Variants in GRIK2 observed in about 807,000 individuals in gnomAD.
The protein encoded by GRIK2 is glutamate receptor ionotropic, kainate 2.
In GRIK2, 32 loss-of-function variants were observed where a neutral mutation model predicts 100.3. The ratio of observed to expected loss-of-function variants is 0.32; its 90% confidence interval spans 0.24 to 0.43. The LOEUF is 0.43. Ranked by LOEUF, GRIK2 falls within the 20% of genes least tolerant of loss-of-function variation. The pLI is 1.00. For missense variants in GRIK2, 843 were observed against 1,114.9 expected (o/e 0.76, Z 3.47); for synonymous variants, 417 against 389.4 (o/e 1.07, Z -0.83).
intron 14 of GRIK2, among the ~76,000 whole-genome samples, chr6:101,989,199 C>T (rs1481703247): frequency 6.6e-6 from 1 of 151,550 alleles, no homozygotes. Context: ...TGTAATAAGG[C>T]ATTTAGTATG....
At chr6:101,528,731 T>C (rs1051854303) in intron 2 of GRIK2, among the ~76,000 whole-genome samples, 1 of 152,188 alleles carries the variant, frequency 6.6e-6, no homozygotes, top group Non-Finnish European at 1.5e-5. Flanking sequence ...AGTTAAATGG[T>C]TGACTTGAAA....
At chr6:101,526,852 T>C (rs1420444476) in intron 2 of GRIK2, among the ~76,000 whole-genome samples, 1 of 152,098 alleles carries the variant, frequency 6.6e-6, no homozygotes, top group East Asian at 1.9e-4. Context: ...GAGGCAACAC[T>C]TCTACCAGGT....
intron 11 of GRIK2, among the ~76,000 whole-genome samples, chr6:101,882,702 T>C (rs551499742): frequency 2.0e-5 from 3 of 152,246 alleles, no homozygotes; most frequent in Non-Finnish European, 4.4e-5. Context: ...TGAACTAAAT[T>C]AATATTTCTA....
chr6:101,406,826 T>C (rs1582379288), intron 2 of GRIK2, among the ~76,000 whole-genome samples: 1 of 152,210 alleles, frequency 6.6e-6, no homozygotes, highest in East Asian at 1.9e-4. Context: ...GCATAAGTGA[T>C]TATTTTAAAT....
chr6:102,057,764 T>C (rs1463331636), intron 16 of GRIK2, among the ~76,000 whole-genome samples: 1 of 151,892 alleles, frequency 6.6e-6, no homozygotes, highest in Non-Finnish European at 1.5e-5. Context: ...GCACCTTTAC[T>C]ACAGCCACAC....
chr6:101,424,726 C>G (rs1334326800), intron 2 of GRIK2, among the ~76,000 whole-genome samples: 1 of 151,560 alleles, frequency 6.6e-6, no homozygotes, highest in Non-Finnish European at 1.5e-5. Context: ...TCTCCCCCCA[C>G]CCACAACAGT....
At chr6:101,922,100 C>A (rs925294766) in intron 12 of GRIK2, among the ~76,000 whole-genome samples, 9 of 24,074 alleles carry the variant, frequency 3.7e-4, no homozygotes, top group South Asian at 1.3e-3. Context: ...TCCTTCCTTC[C>A]TTCCTTCCTT....
rs147828474 is a variant in GRIK2, at chr6:101,548,833, A to G, written c.116-73116A>G. Among the ~76,000 whole-genome samples, 566 of 152,288 alleles carry G rather than the reference A, an allele frequency of 3.7e-3. 2 individuals are homozygous for G. Among genetic ancestry groups the G allele is most frequent in the Middle Eastern group, 0.01 (3 of 292 alleles). ...ATCGTATGAAGTAGGTAGTATTACT[A>G]TCCTCAGTTATAGGTATGGATATGT... On this transcript the variant is annotated intron_variant, in intron 2 of 16. Transcript: ENST00000369134.
rs567458546 is a variant in GRIK2 at position 102,045,717 on chromosome 6, C to A, written c.2312-9613C>A. On this transcript the variant is annotated intron_variant, in intron 15 of 16. Coordinates refer to ENST00000369134, the MANE Select transcript of GRIK2 (RefSeq NM_021956.5). The stretch of plus-strand genomic sequence containing the variant: ...AATGGTCCAAAGATCTTAACAGACA[C>A]CTCATCAAAGGAAATACACACATAC... Among the ~76,000 whole-genome samples the A allele has an allele frequency of 4.6e-4, 70 of 152,010 alleles. 1 individual carries two copies. The highest frequency in any genetic ancestry group is 4.4e-4 in the Non-Finnish European group (30 of 67,974).
chr6:101,602,070 T>G (rs1779240526), intron 2 of GRIK2, among the ~76,000 whole-genome samples: 1 of 151,750 alleles, frequency 6.6e-6, no homozygotes, highest in Admixed American at 6.6e-5. Flanking sequence ...CACCATAAAC[T>G]TTAGTCTTAA....
At chr6:101,712,904 G>A (rs1451712172) in intron 7 of GRIK2, among the ~76,000 whole-genome samples, 1 of 151,732 alleles carries the variant, frequency 6.6e-6, no homozygotes, top group Non-Finnish European at 1.5e-5. Flanking sequence ...TATTTTACAT[G>A]CTTCCTCATA....
intron 7 of GRIK2, among the ~76,000 whole-genome samples, chr6:101,784,525 A>G (rs1198711684): frequency 6.6e-6 from 1 of 152,204 alleles, no homozygotes; most frequent in Non-Finnish European, 1.5e-5. Flanking sequence ...TTGAAAGGTG[A>G]AAAGTACATG....
intron 14 of GRIK2, among the ~76,000 whole-genome samples, chr6:102,006,208 G>T (rs1431065925): frequency 6.6e-6 from 1 of 151,468 alleles, no homozygotes; most frequent in East Asian, 1.9e-4. Context: ...ATAACATTGT[G>T]TAATAAAAAA....
At chr6:101,527,967 G>A (rs757420058) in intron 2 of GRIK2, among the ~76,000 whole-genome samples, 2 of 152,086 alleles carry the variant, frequency 1.3e-5, no homozygotes, top group Admixed American at 1.3e-4. Context: ...ATGGAGGGGT[G>A]GCATGGATTT....
At chr6:101,996,673 T>A (rs1458531495) in intron 14 of GRIK2, among the ~76,000 whole-genome samples, 2 of 152,102 alleles carry the variant, frequency 1.3e-5, no homozygotes, top group African/African-American at 4.8e-5. Flanking sequence ...TCTGCTTATG[T>A]CTTAATCTGA....
intron 5 of GRIK2, among the ~76,000 whole-genome samples, chr6:101,681,066 C>T (rs1034249450): frequency 1.9e-4 from 29 of 152,270 alleles, no homozygotes; most frequent in African/African-American, 7.0e-4. Flanking sequence ...CAAATTCTAT[C>T]CTACCTAACT....
At chr6:101,464,787 T>C (rs1157950241) in intron 2 of GRIK2, among the ~76,000 whole-genome samples, 3 of 152,134 alleles carry the variant, frequency 2.0e-5, no homozygotes, top group South Asian at 2.1e-4. Flanking sequence ...CCCAAAGTGC[T>C]GGGAATACAG....
At chr6:101,621,349 A>G (rs62421384) in intron 2 of GRIK2, among the ~76,000 whole-genome samples, 19,239 of 152,040 alleles carry the variant, frequency 0.13, 1,226 homozygotes, top group Admixed American at 0.16. Context: ...ACTACTGGGG[A>G]GGCTGAGGTG....
intron 11 of GRIK2, among the ~76,000 whole-genome samples, chr6:101,878,398 G>A (rs1020077705): frequency 2.0e-5 from 3 of 151,320 alleles, no homozygotes; most frequent in Non-Finnish European, 2.9e-5. Flanking sequence ...AAGAATAGAA[G>A]GTTGGTAACT....
Sources: allele counts gnomAD v4.1 joint callset (sites outside exome capture counted in the v4.1 genomes callset), GRCh38; gene constraint gnomAD v4.1.1; transcripts MANE v1.5; gene names NCBI Gene and HGNC (gene_info 2026-07-23, HGNC 2026-07-21).